Variants in CCNA1 observed in about 807,000 individuals in gnomAD.
CCNA1 encodes cyclin-A1.
In CCNA1, 23 loss-of-function variants were observed where a neutral mutation model predicts 54.1. The ratio of observed to expected loss-of-function variants is 0.42; its 90% CI spans 0.31 to 0.60. CCNA1 has a LOEUF of 0.60. Among genes scored for constraint, CCNA1 ranks in the 20% least tolerant of loss-of-function variants. The probability of loss-of-function intolerance (pLI) is 0.14; values close to 1 mark genes in which losing one functional copy is unlikely to be tolerated. For synonymous variants in CCNA1, 208 were observed against 213.9 expected, an observed-to-expected ratio of 0.97 and a Z score of 0.24; for missense variants, 450 against 556.7, an observed-to-expected ratio of 0.81 and a Z score of 1.93.
chr13:36,433,391 T>C (rs941501018), intron 2 of CCNA1, among the ~76,000 whole-genome samples, 170 bp downstream of exon 2: 1 of 88,096 alleles, frequency 1.1e-5, no homozygotes, highest in African/African-American at 5.1e-5. Flanking sequence ...TCTTTCTTTC[T>C]TTCTTTCTTT....
intron 1 of CCNA1, 137 bp from the exon 2 acceptor site, chr13:36,432,895 CA>C (rs2055733030): frequency 2.0e-6 from 2 of 1,007,558 alleles, no homozygotes; most frequent in Non-Finnish European, 3.0e-6. Context: ...CTTTCAGCCC[CA>C]ATAATTACTG....
At chr13:36,434,789 G>C (rs1466968336) in intron 2 of CCNA1, among the ~76,000 whole-genome samples, 1 of 149,332 alleles carries the variant, frequency 6.7e-6, no homozygotes, top group African/African-American at 2.5e-5. Context: ...TCTACATCCT[G>C]TTATGTGACT....
At chr13:36,432,348 C>G (rs950395070), upstream of CCNA1, 3 of 319,234 alleles carry the variant, frequency 9.4e-6, no homozygotes, top group African/African-American at 6.5e-5. Context: ...GACACTTGGT[C>G]CTTCCCGCCC....
chr13:36,432,358 C>A, upstream of CCNA1: 1 of 328,300 alleles, frequency 3.0e-6, no homozygotes, highest in Non-Finnish European at 5.7e-6. Flanking sequence ...CCTTCCCGCC[C>A]CGCCCTTCCG....
intron 1 of CCNA1, 99 bp from the exon 2 acceptor site, chr13:36,432,934 A>G: frequency 2.5e-6 from 3 of 1,191,636 alleles, no homozygotes; most frequent in Non-Finnish European, 3.6e-6. Context: ...TGTTAGTCCC[A>G]TTGCTTGGTG....
intron 4 of CCNA1, 31 bp downstream of exon 4, chr13:36,438,222 C>A (rs1187456627): frequency 6.3e-7 from 1 of 1,595,722 alleles, no homozygotes; most frequent in Non-Finnish European, 8.5e-7. Flanking sequence ...CTTCAATCTT[C>A]AGGACCCGAG....
At chr13:36,433,426 C>CTT (rs1424177208) in intron 2 of CCNA1, among the ~76,000 whole-genome samples, 1 of 117,742 alleles carries the variant, frequency 8.5e-6, no homozygotes, top group Admixed American at 8.9e-5. Flanking sequence ...TTCTTTCTTT[C>CTT]TTTCTTTCTT....
In CCNA1 at chr13:36,437,737, G is replaced by C. The variant is rs1185237523; in HGVS notation, c.406G>C (p.Asp136His). ...CCAAGAGCCCCCCAAGCAAGGGTTT[G>C]ACATCTACATGGATGAACTAGAGCA... The change falls in exon 3 of 9, where the codon GAC (aspartate) becomes CAC (histidine). Residue 136 changes from aspartate (D) to histidine (H), a missense_variant. Around this residue, in one of 6 missense-constraint regions of CCNA1, gnomAD observed 103 missense variants for 92.9 expected, o/e 1.11. Transcript: ENST00000255465. 3 of 1,614,056 alleles carry C rather than the reference G, an allele frequency of 1.9e-6. No individual in the cohort carries two copies. Among genetic ancestry groups the C allele is most frequent in the Non-Finnish European group, 2.5e-6 (3 of 1,180,024 alleles).
In CCNA1 at chr13:36,433,370, T is replaced by TTTTCTTTC. The variant is rs201986317; in HGVS notation, c.297+214_297+221dup. 5.1e-3 allele frequency: 1,625 copies of TTTTCTTTC among 317,254 alleles called. 23 individuals are homozygous for TTTTCTTTC. The highest frequency in any genetic ancestry group is 8.6e-3 in the East Asian group (165 of 19,294). 19.7% of individuals were successfully genotyped at this position (317,254 alleles called of 1,614,324 possible). A position where few individuals can be genotyped will look rare whatever the true frequency, so the allele number is the denominator to read the frequency against. ...GACTACAGGAAAGTTGATTGATTTA[T>TTTTCTTTC]TTTCTTTCTTTCTTTCTTTCTTTCT... On this transcript the variant is annotated intron_variant, in intron 2 of 8. Coordinates refer to ENST00000255465, the MANE Select transcript of CCNA1 (RefSeq NM_003914.4).
chr13:36,438,113 T>G lies in CCNA1; in HGVS notation c.591T>G (p.Asp197Glu), dbSNP rs967616239. The change falls in exon 4 of 9, where the codon GAT becomes GAG. Residue 197 changes from aspartate to glutamate, a missense_variant. Transcript: ENST00000255465. ...CATCTCTCCTCTCCCAGTCTGAAGATATATCCAGTCTTGGCACAGATGTGA... is the reference window on the plus strand; with the variant it reads ...CATCTCTCCTCTCCCAGTCTGAAGAGATATCCAGTCTTGGCACAGATGTGA... The G allele has an allele frequency of 6.2e-7, 1 of 1,613,556 alleles. No homozygotes were observed. The highest frequency in any genetic ancestry group is 8.5e-7 in the Non-Finnish European group (1 of 1,179,570).
intron 2 of CCNA1, among the ~76,000 whole-genome samples, chr13:36,433,443 G>GTTCGTTCGTTCGTTCT (rs1491577879): frequency 0.012 from 635 of 53,802 alleles, 39 homozygotes; most frequent in African/African-American, 0.037. Context: ...TCTTTCTTTC[G>GTTCGTTCGTTCGTTCT]TTCTTTCTTT....
intron 2 of CCNA1, among the ~76,000 whole-genome samples, chr13:36,435,822 A>G (rs577266368): frequency 7.9e-5 from 12 of 152,298 alleles, no homozygotes; most frequent in African/African-American, 2.9e-4. Flanking sequence ...TAAGCAACGT[A>G]TAAAACGAAA....
Position 36,437,695 on chromosome 13 carries a change from C to T in CCNA1, c.364C>T (p.Leu122Phe). The T allele has an allele frequency of 6.2e-7, 1 of 1,614,022 alleles. No homozygotes were observed. The highest frequency in any genetic ancestry group is 8.5e-7 in the Non-Finnish European group (1 of 1,179,876). Residue 122 changes from leucine to phenylalanine, a missense_variant, in exon 3 of 9, where the codon CTC (leucine) becomes TTC (phenylalanine). This residue lies in a region of CCNA1 where 103 missense variants were observed against 92.9 expected (regional missense o/e 1.11). Coordinates refer to ENST00000255465, the MANE Select transcript of CCNA1 (RefSeq NM_003914.4). ...CTTCCCTCCAGCTGGAAAGAAAGCA[C>T]TCCCTGACTGTGGGGTCCAAGAGCC... is the stretch of plus-strand genomic sequence containing the variant.
chr13:36,438,086 T>G lies in CCNA1; in HGVS notation c.564T>G (p.Asp188Glu). 2 of 1,613,472 alleles carry G rather than the reference T, an allele frequency of 1.2e-6. No individual in the cohort carries two copies. Among genetic ancestry groups the G allele is most frequent in the Non-Finnish European group, 1.7e-6 (2 of 1,179,576 alleles). Reference sequence around the variant, plus strand: ...TTGCAGTTTCCCCTATGCTGGTAGATTCATCTCTCCTCTCCCAGTCTGAAG... The same window carrying G: ...TTGCAGTTTCCCCTATGCTGGTAGAGTCATCTCTCCTCTCCCAGTCTGAAG... Residue 188 changes from aspartate to glutamate, a missense_variant, in exon 4 of 9, where the codon GAT (aspartate) becomes GAG (glutamate). Physicochemically the swap from Asp to Glu is conservative, Grantham distance 45. Coordinates refer to ENST00000255465, the MANE Select transcript of CCNA1 (RefSeq NM_003914.4).
At position 36,432,747 on chromosome 13, in the gene CCNA1, T is replaced by C; in HGVS notation, c.108+18T>C. The C allele has an allele frequency of 6.7e-7, 1 of 1,492,400 alleles. No individual in the cohort carries two copies. Among genetic ancestry groups the C allele is most frequent in the East Asian group, 2.3e-5 (1 of 44,122 alleles). 92.4% of individuals were successfully genotyped at this position (1,492,400 alleles called of 1,614,324 possible). A position where few individuals can be genotyped will look rare whatever the true frequency, so the allele number is the denominator to read the frequency against. ...TCTTCCAGGTAACGTGGGTTTAGTA[T>C]CCCGACTTGGAGGCTTGTCAGAATG... On this transcript the variant is annotated intron_variant, in intron 1 of 8. Transcript: ENST00000255465.
At chr13:36,434,908 C>A (rs1057218038) in intron 2 of CCNA1, among the ~76,000 whole-genome samples, 1 of 150,038 alleles carries the variant, frequency 6.7e-6, no homozygotes, top group African/African-American at 2.5e-5. Context: ...TTTTCTTTCT[C>A]TCATGAGTTT....
At position 36,438,131 on chromosome 13, in the gene CCNA1, A is replaced by G. The variant is rs35404413; in HGVS notation, c.609A>G (p.Thr203=). The G allele has an allele frequency of 1.8e-4, 284 of 1,613,658 alleles. No homozygotes were observed. The African/African-American group carries it at 3.5e-3, about 20-fold the overall frequency. ...CTGAAGATATATCCAGTCTTGGCACAGATGTGATAAATGTGACTGAATATG... is the reference window on the plus strand; with the variant it reads ...CTGAAGATATATCCAGTCTTGGCACGGATGTGATAAATGTGACTGAATATG... Residue 203 remains threonine (T), a synonymous_variant, in exon 4 of 9, where the codon ACA becomes ACG. Coordinates refer to ENST00000255465, the MANE Select transcript of CCNA1 (RefSeq NM_003914.4).
intron 2 of CCNA1, among the ~76,000 whole-genome samples, chr13:36,436,061 TC>T (rs1188299330): frequency 1.3e-5 from 2 of 152,218 alleles, no homozygotes; most frequent in Non-Finnish European, 2.9e-5. Flanking sequence ...CTGGTTCAAA[TC>T]CCTATTGTGT....
chr13:36,436,880 G>T (rs972456084), intron 2 of CCNA1, among the ~76,000 whole-genome samples: 2 of 152,180 alleles, frequency 1.3e-5, no homozygotes, highest in South Asian at 4.1e-4. Context: ...TATAGCTCAG[G>T]TTCATAGAGC....
Sources: allele counts gnomAD v4.1 joint callset (sites outside exome capture counted in the v4.1 genomes callset), GRCh38; gene constraint gnomAD v4.1.1; regional missense constraint gnomAD v4.1.1; transcripts MANE v1.5; gene names NCBI Gene and HGNC (gene_info 2026-07-23, HGNC 2026-07-21).